PCCA: variants seen among roughly 807,000 people sequenced by gnomAD.
The protein encoded by PCCA is propionyl-CoA carboxylase alpha chain, mitochondrial.
PCCA carries 74 observed loss-of-function variants against 101.3 expected under a neutral mutation model. That is an observed-to-expected ratio of 0.73 (90% confidence interval 0.61 to 0.89). PCCA has a LOEUF of 0.89. Ranked by LOEUF, PCCA falls within the 40% of genes least tolerant of loss-of-function variation. The pLI is 0.00. For missense variants in PCCA, 891 were observed against 907.0 expected (o/e 0.98, Z 0.23); for synonymous variants, 294 against 313.6 (o/e 0.94, Z 0.66).
At chr13:100,423,158 T>C (rs1274047321) in intron 19 of PCCA, among the ~76,000 whole-genome samples, 1 of 152,136 alleles carries the variant, frequency 6.6e-6, no homozygotes, top group South Asian at 2.1e-4. Context: ...AAATCTGTTA[T>C]TTAGTTTGAA....
intron 19 of PCCA, among the ~76,000 whole-genome samples, chr13:100,413,136 A>G (rs1595806111): frequency 6.6e-6 from 1 of 152,228 alleles, no homozygotes; most frequent in Non-Finnish European, 1.5e-5. Flanking sequence ...ATTGTTGGCC[A>G]GGAGACATGG....
chr13:100,466,907 T>C (rs2082564953), intron 21 of PCCA, among the ~76,000 whole-genome samples: 1 of 152,186 alleles, frequency 6.6e-6, no homozygotes, highest in Non-Finnish European at 1.5e-5. Flanking sequence ...CAGTTCACCA[T>C]GGCCAAAAGA....
intron 18 of PCCA, among the ~76,000 whole-genome samples, chr13:100,368,224 A>G (rs1019226058): frequency 6.6e-6 from 1 of 152,092 alleles, no homozygotes; most frequent in East Asian, 1.9e-4. Context: ...TAAAAAAACC[A>G]TTTTGAATAG....
At chr13:100,382,947 T>TCTGGGGGAA (rs2152830854) in intron 19 of PCCA, among the ~76,000 whole-genome samples, 1 of 151,904 alleles carries the variant, frequency 6.6e-6, no homozygotes, top group East Asian at 1.9e-4. Flanking sequence ...AAGGGAAGGA[T>TCTGGGGGAA]CTGGGGGAAG....
At chr13:100,380,566 A>C (rs1431499652) in intron 19 of PCCA, among the ~76,000 whole-genome samples, 2 of 152,220 alleles carry the variant, frequency 1.3e-5, no homozygotes, top group African/African-American at 4.8e-5. Flanking sequence ...CAAAGGTGCC[A>C]AAATAATTCA....
chr13:100,431,663 G>A (rs890231398), intron 20 of PCCA, among the ~76,000 whole-genome samples: 2 of 147,082 alleles, frequency 1.4e-5, no homozygotes, highest in African/African-American at 5.0e-5. Context: ...TCAGGAGATC[G>A]AGACCATCCT....
At chr13:100,303,145 T>C in intron 14 of PCCA, 147 bp downstream of exon 14, 1 of 705,618 alleles carries the variant, frequency 1.4e-6, no homozygotes, top group East Asian at 2.7e-5. Flanking sequence ...TGAAAACAAA[T>C]TTTTTTCAGT....
intron 21 of PCCA, 106 bp from the exon 22 acceptor site, chr13:100,515,321 A>T: frequency 1.1e-6 from 1 of 944,712 alleles, no homozygotes; most frequent in Non-Finnish European, 1.7e-6. Flanking sequence ...TAAGGCTCTT[A>T]CTGTAATTTG....
At chr13:100,363,905 ATG>A (rs1442696439) in intron 18 of PCCA, among the ~76,000 whole-genome samples, 1 of 152,192 alleles carries the variant, frequency 6.6e-6, no homozygotes, top group Non-Finnish European at 1.5e-5. Flanking sequence ...AGTAAGTTAA[ATG>A]TATTAGTATT....
At position 100,404,406 on chromosome 13, in the gene PCCA, T is replaced by A. The variant is rs569421412; in HGVS notation, c.1747-21227T>A. Among the ~76,000 whole-genome samples the A allele has an allele frequency of 4.6e-5, 7 of 152,226 alleles. No homozygotes were observed. In the East Asian group the frequency reaches 1.4e-3, roughly 29 times the overall value. On this transcript the variant is annotated intron_variant, in intron 19 of 23. Transcript: ENST00000376285. ...GGAGGATGCATCTGAGGTGAGTGTA[T>A]CATAGTATAGAGACACAATTACCTA... is the stretch of plus-strand genomic sequence containing the variant.
chr13:100,173,598 C>G (rs983455399), intron 6 of PCCA, among the ~76,000 whole-genome samples: 4 of 152,110 alleles, frequency 2.6e-5, no homozygotes, highest in African/African-American at 9.7e-5. Flanking sequence ...AAAATAGAGT[C>G]AAGCTCCTGA....
chr13:100,495,834 A>T lies in PCCA; in HGVS notation c.1900-19593A>T, dbSNP rs558365719. 1.6e-4 allele frequency among the ~76,000 whole-genome samples: 25 copies of T among 152,332 alleles called. 1 individual carries two copies. The South Asian group carries it at 5.0e-3, about 30-fold the overall frequency. ...TGATTTTGATACTTTTTAATTTTTT[A>T]AAACTTATTTTGAAATAACTTAGAC... On this transcript the variant is annotated intron_variant, in intron 21 of 23. Transcript: ENST00000376285.
chr13:100,169,864 T>C (rs1194514967), intron 6 of PCCA, among the ~76,000 whole-genome samples: 3 of 152,118 alleles, frequency 2.0e-5, no homozygotes, highest in Non-Finnish European at 4.4e-5. Context: ...CTTGCCTGGC[T>C]AATTTTTGTA....
In PCCA at chr13:100,157,352, A is replaced by G; in HGVS notation, c.468+12A>G. On this transcript the variant is annotated intron_variant, in intron 6 of 23. Transcript: ENST00000376285. ...TTGCCAGATGTTTGGTAAGTTGGTAATGAACCAGAAACTGTTCATTTCTTT... is the reference window on the plus strand; with the variant it reads ...TTGCCAGATGTTTGGTAAGTTGGTAGTGAACCAGAAACTGTTCATTTCTTT... The G allele has an allele frequency of 6.3e-7, 1 of 1,582,350 alleles. No homozygotes were observed. Among genetic ancestry groups the G allele is most frequent in the South Asian group, 1.1e-5 (1 of 90,400 alleles).
intron 19 of PCCA, 52 bp downstream of exon 19, chr13:100,368,626 T>A: frequency 8.9e-7 from 1 of 1,117,850 alleles, no homozygotes; most frequent in Non-Finnish European, 1.4e-6. Flanking sequence ...TCTATGAATA[T>A]TTAAAGCCAT....
intron 10 of PCCA, among the ~76,000 whole-genome samples, chr13:100,265,575 C>T (rs2062873706): frequency 6.6e-6 from 1 of 152,174 alleles, no homozygotes; most frequent in Non-Finnish European, 1.5e-5. Flanking sequence ...CCTACGCCTA[C>T]ACCCACCCAC....
chr13:100,261,285 G>T (rs1594982631), intron 9 of PCCA, among the ~76,000 whole-genome samples: 1 of 151,736 alleles, frequency 6.6e-6, no homozygotes, highest in South Asian at 2.1e-4. Context: ...AATTTTATAT[G>T]CTGATTATAT....
intron 19 of PCCA, among the ~76,000 whole-genome samples, chr13:100,424,333 G>A (rs372226291): frequency 1.3e-4 from 20 of 152,176 alleles, no homozygotes; most frequent in South Asian, 1.0e-3. Flanking sequence ...CCTGGAACCC[G>A]CCTCCCATGG....
At chr13:100,109,930 G>C (rs556647413) in intron 2 of PCCA, among the ~76,000 whole-genome samples, 4 of 152,108 alleles carry the variant, frequency 2.6e-5, no homozygotes, top group Non-Finnish European at 5.9e-5. Context: ...TCAGGAGTTC[G>C]AGGCCGGCCT....
Sources: gnomAD v4.1 joint callset for allele counts (sites outside exome capture counted in the v4.1 genomes callset) on GRCh38, gnomAD v4.1.1 for gene constraint, MANE v1.5 for transcripts, NCBI Gene and HGNC (gene_info 2026-07-23, HGNC 2026-07-21) for gene names.